SSBP3: variants seen among roughly 807,000 people sequenced by gnomAD.
SSBP3 encodes the protein single-stranded DNA-binding protein 3.
SSBP3 carries 5 observed loss-of-function variants against 69.6 expected under a neutral mutation model. The observed-to-expected ratio is 0.07, with a 90% CI of 0.04 to 0.15. SSBP3 has a LOEUF of 0.15. Among genes scored for constraint, SSBP3 ranks in the 10% least tolerant of loss-of-function variants. SSBP3 has a pLI of 1.00. For synonymous variants in SSBP3, 196 were observed against 193.4 expected, an observed-to-expected ratio of 1.01 and a Z score of -0.11; for missense variants, 312 against 534.0, an observed-to-expected ratio of 0.58 and a Z score of 4.10.
At chr1:54,256,864 C>T (rs1644930958) in intron 7 of SSBP3, among the ~76,000 whole-genome samples, 1 of 152,194 alleles carries the variant, frequency 6.6e-6, no homozygotes, top group Non-Finnish European at 1.5e-5. Context: ...ATCCCAGATG[C>T]GCCTTAGCTC....
chr1:54,308,402 C>T (rs902005339), intron 4 of SSBP3, among the ~76,000 whole-genome samples: 3 of 151,892 alleles, frequency 2.0e-5, no homozygotes, highest in Non-Finnish European at 4.4e-5. Flanking sequence ...GAGATCGAGA[C>T]CATCCTGGCT....
intron 4 of SSBP3, among the ~76,000 whole-genome samples, chr1:54,389,871 C>G (rs576476338): frequency 7.6e-4 from 105 of 137,962 alleles, no homozygotes; most frequent in African/African-American, 2.9e-3. Flanking sequence ...ACAGCAAGAC[C>G]CTGTCTCAAA....
At chr1:54,309,954 G>T (rs1645970235) in intron 4 of SSBP3, among the ~76,000 whole-genome samples, 1 of 152,170 alleles carries the variant, frequency 6.6e-6, no homozygotes, top group African/African-American at 2.4e-5. Context: ...GGTGGGGGGA[G>T]CACAAATCTC....
rs58429798 is a variant in SSBP3, at chr1:54,386,683, CTTT to C, written c.276+15175_276+15177del. 1.1e-3 allele frequency among the ~76,000 whole-genome samples: 81 copies of C among 76,092 alleles called. 2 individuals carry two copies. The highest frequency in any genetic ancestry group is 6.9e-3 in the Middle Eastern group (1 of 144). The allele number at this position is 76,092 out of a possible 152,430, so 49.9% of individuals were successfully genotyped here. A position where few individuals can be genotyped will look rare whatever the true frequency, so the allele number is the denominator to read the frequency against. On this transcript the variant is annotated intron_variant, in intron 4 of 17. Coordinates refer to ENST00000610401, the Ensembl canonical transcript of SSBP3. ...ATCCACAATGTATAAACTGATCCTA[CTTT>C]TTTTTTTTTTTTTTTTTTAAGAGAT...
At chr1:54,294,159 A>AAAAAAAGAAAGAAAG (rs754650225) in intron 4 of SSBP3, among the ~76,000 whole-genome samples, 2 of 86,162 alleles carry the variant, frequency 2.3e-5, no homozygotes, top group Non-Finnish European at 4.5e-5. Flanking sequence ...AAAAAAAAAA[A>AAAAAAAGAAAGAAAG]AAAGAAAGAA....
In SSBP3 at chr1:54,274,668, G is replaced by T. The variant is rs1038115930; in HGVS notation, c.366+6770C>A. On this transcript the variant is annotated intron_variant, in intron 5 of 17. Coordinates refer to ENST00000610401, the Ensembl canonical transcript of SSBP3. ...AGCCGCCACTCCTGCTCGGGCCATG[G>T]CCACCTCCAGAGGGGACCGCAGCTG... is the stretch of plus-strand genomic sequence containing the variant. 2.0e-5 allele frequency among the ~76,000 whole-genome samples: 3 copies of T among 152,262 alleles called. No individual in the cohort carries two copies. In the South Asian group the frequency reaches 6.2e-4, roughly 32 times the overall value.
At chr1:54,386,683 CTTTTTTTT>C (rs58429798) in intron 4 of SSBP3, among the ~76,000 whole-genome samples, 4 of 76,100 alleles carry the variant, frequency 5.3e-5, no homozygotes, top group Admixed American at 1.6e-4. Context: ...ACTGATCCTA[CTTTTTTTT>C]TTTTTTTTTT....
At chr1:54,404,977 T>TC in intron 1 of SSBP3, 47 bp from the exon 2 acceptor site, 1 of 1,542,982 alleles carries the variant, frequency 6.5e-7, no homozygotes, top group Non-Finnish European at 8.9e-7. Context: ...AGGCGTCAGA[T>TC]CCCACCGGCG....
At chr1:54,355,780 G>A (rs1320155176) in intron 4 of SSBP3, among the ~76,000 whole-genome samples, 3 of 152,170 alleles carry the variant, frequency 2.0e-5, no homozygotes, top group Admixed American at 1.3e-4. Context: ...TCAAGAAGGC[G>A]GCTATTGTAT....
intron 4 of SSBP3, among the ~76,000 whole-genome samples, chr1:54,390,925 G>A (rs557632020): frequency 2.0e-5 from 3 of 152,354 alleles, no homozygotes; most frequent in South Asian, 2.1e-4. Flanking sequence ...CCGGCAGTGC[G>A]CACACGCCCG....
At chr1:54,292,877 T>A (rs1405746528) in intron 4 of SSBP3, among the ~76,000 whole-genome samples, 2 of 151,750 alleles carry the variant, frequency 1.3e-5, no homozygotes, top group Non-Finnish European at 2.9e-5. Flanking sequence ...GCATCACAGT[T>A]ATCAGCCCCT....
At chr1:54,256,334 T>C (rs1307856230) in intron 7 of SSBP3, among the ~76,000 whole-genome samples, 1 of 152,152 alleles carries the variant, frequency 6.6e-6, no homozygotes, top group Non-Finnish European at 1.5e-5. Flanking sequence ...GGGCATAAAA[T>C]TTCCCTGATG....
At chr1:54,237,802 T>C (rs1460360109) in intron 14 of SSBP3, 5 of 249,460 alleles carry the variant, frequency 2.0e-5, no homozygotes, top group Middle Eastern at 1.4e-3. Flanking sequence ...AGCAGACTCC[T>C]AGGCAAGTGC....
At chr1:54,253,579 C>T (rs940546122) in intron 7 of SSBP3, among the ~76,000 whole-genome samples, 10 of 152,142 alleles carry the variant, frequency 6.6e-5, no homozygotes, top group Non-Finnish European at 5.9e-5. Context: ...TTAGTTGTTC[C>T]GGCCTCTCAC....
intron 13 of SSBP3, among the ~76,000 whole-genome samples, chr1:54,239,808 C>G (rs1458766266): frequency 6.6e-6 from 1 of 152,180 alleles, no homozygotes; most frequent in Non-Finnish European, 1.5e-5. Context: ...TGCAGCTGAG[C>G]AGCTTCCCTG....
intron 5 of SSBP3, among the ~76,000 whole-genome samples, chr1:54,264,738 T>C (rs548938874): frequency 6.6e-6 from 1 of 152,266 alleles, no homozygotes; most frequent in Non-Finnish European, 1.5e-5. Context: ...ACAGACGCCA[T>C]TACCACCCAG....
chr1:54,353,192 A>G (rs577298511), intron 4 of SSBP3, among the ~76,000 whole-genome samples: 12 of 152,304 alleles, frequency 7.9e-5, no homozygotes, highest in African/African-American at 2.6e-4. Flanking sequence ...AGCTGGATAC[A>G]CAAGTTTGTT....
At chr1:54,256,995 T>C (rs902778525) in intron 7 of SSBP3, 132 bp downstream of exon 7, 1 of 892,894 alleles carries the variant, frequency 1.1e-6, no homozygotes, top group East Asian at 2.9e-5. Context: ...GAACAGCTAG[T>C]AAGCTACCAG....
At chr1:54,243,025 G>A in intron 10 of SSBP3, 1 of 580,596 alleles carries the variant, frequency 1.7e-6, no homozygotes. Flanking sequence ...GATGCACGCA[G>A]CATGCCTGAA....
Sources: allele counts gnomAD v4.1 joint callset (sites outside exome capture counted in the v4.1 genomes callset), GRCh38; gene constraint gnomAD v4.1.1; transcripts MANE v1.5; gene names NCBI Gene and HGNC (gene_info 2026-07-23, HGNC 2026-07-21).